Variants in PDE3A observed in about 807,000 individuals in gnomAD.
PDE3A encodes phosphodiesterase 3A.
PDE3A carries 43 observed loss-of-function variants against 98.3 expected under a neutral mutation model. The observed-to-expected ratio is 0.44, with a 90% CI of 0.34 to 0.56. The LOEUF is 0.56. PDE3A is among the 20% of genes least tolerant of loss of function. PDE3A has a pLI of 0.01. For missense variants in PDE3A, 1,427 were observed against 1,440.7 expected (o/e 0.99, Z 0.15); for synonymous variants, 663 against 567.9 (o/e 1.17, Z -2.38).
At chr12:20,410,553 A>T (rs1325285564) in intron 1 of PDE3A, among the ~76,000 whole-genome samples, 1 of 152,180 alleles carries the variant, frequency 6.6e-6, no homozygotes, top group Non-Finnish European at 1.5e-5. Context: ...CACCTCCGTC[A>T]GCTACCTAGA....
At chr12:20,515,887 T>TA (rs1354492277) in intron 1 of PDE3A, among the ~76,000 whole-genome samples, 7 of 149,608 alleles carry the variant, frequency 4.7e-5, no homozygotes, top group Non-Finnish European at 1.0e-4. Flanking sequence ...CGCCTGCCAC[T>TA]ACGCCCGGCT....
At chr12:20,542,331 T>A (rs1941935156) in intron 1 of PDE3A, among the ~76,000 whole-genome samples, 1 of 152,108 alleles carries the variant, frequency 6.6e-6, no homozygotes, top group Middle Eastern at 3.4e-3. Context: ...TGAGATATAT[T>A]TTTTAAAATT....
chr12:20,534,006 G>A (rs1043001884), intron 1 of PDE3A, among the ~76,000 whole-genome samples: 1 of 151,910 alleles, frequency 6.6e-6, no homozygotes, highest in African/African-American at 2.4e-5. Context: ...CTTAGCATCT[G>A]CCAGGGGTGT....
At chr12:20,576,752 G>C (rs573442866) in intron 2 of PDE3A, among the ~76,000 whole-genome samples, 4 of 152,102 alleles carry the variant, frequency 2.6e-5, no homozygotes, top group Admixed American at 6.6e-5. Flanking sequence ...TTACAGAAAA[G>C]ATATTGATAA....
chr12:20,593,093 G>A (rs961549311), intron 2 of PDE3A, among the ~76,000 whole-genome samples: 2 of 152,116 alleles, frequency 1.3e-5, no homozygotes, highest in African/African-American at 2.4e-5. Context: ...TGGAGACTTC[G>A]AGGCTGAAGT....
chr12:20,525,054 C>A (rs112606356), intron 1 of PDE3A, among the ~76,000 whole-genome samples: 2,838 of 152,208 alleles, frequency 0.019, 47 homozygotes, highest in Non-Finnish European at 0.025. Flanking sequence ...ATCGCTTGAA[C>A]CCAGGAGGCG....
intron 1 of PDE3A, among the ~76,000 whole-genome samples, chr12:20,412,856 T>G (rs892554955): frequency 2.0e-5 from 3 of 152,200 alleles, no homozygotes; most frequent in Non-Finnish European, 4.4e-5. Flanking sequence ...CTCCTTTCTG[T>G]TAACATTGAA....
chr12:20,609,175 A>C (rs1943787346), intron 2 of PDE3A, among the ~76,000 whole-genome samples: 1 of 152,056 alleles, frequency 6.6e-6, no homozygotes, highest in Non-Finnish European at 1.5e-5. Context: ...AACCACAACA[A>C]TTCTACACGC....
At chr12:20,503,841 G>T (rs1026720980) in intron 1 of PDE3A, among the ~76,000 whole-genome samples, 4 of 151,954 alleles carry the variant, frequency 2.6e-5, no homozygotes, top group African/African-American at 9.7e-5. Flanking sequence ...TTAAATTGTA[G>T]CTTTCAAATG....
rs57238599 is a variant in PDE3A at position 20,680,982 on chromosome 12, A to G, written c.*711A>G. On this transcript the variant is annotated 3_prime_UTR_variant, in exon 16 of 16. Coordinates refer to ENST00000359062, the MANE Select transcript of PDE3A (RefSeq NM_000921.5). ...CAGAATAGCTGTAGCAAATGACTGA[A>G]TACATGTGAACAAACAGAAGGAAGT... is the stretch of plus-strand genomic sequence containing the variant. 0.14 allele frequency: 21,108 copies of G among 152,016 alleles called. 2,312 individuals are homozygous for G. Among genetic ancestry groups the G allele is most frequent in the African/African-American group, 0.31 (12,667 of 41,360 alleles). 9.4% of individuals were successfully genotyped at this position (152,016 alleles called of 1,614,324 possible). A position where few individuals can be genotyped will look rare whatever the true frequency, so the allele number is the denominator to read the frequency against.
At chr12:20,586,586 C>T (rs901742785) in intron 2 of PDE3A, among the ~76,000 whole-genome samples, 3 of 152,246 alleles carry the variant, frequency 2.0e-5, no homozygotes, top group South Asian at 2.1e-4. Flanking sequence ...AAGATGGCTC[C>T]GATCTACTAA....
intron 15 of PDE3A, among the ~76,000 whole-genome samples, chr12:20,654,565 C>T (rs1328518182): frequency 1.3e-5 from 2 of 151,514 alleles, no homozygotes; most frequent in South Asian, 2.1e-4. Flanking sequence ...GGCACGATCT[C>T]GGCTCACTGC....
intron 1 of PDE3A, among the ~76,000 whole-genome samples, chr12:20,393,393 G>A (rs1943954164): frequency 1.3e-5 from 2 of 151,896 alleles, no homozygotes; most frequent in Non-Finnish European, 2.9e-5. Flanking sequence ...CAGAATGGGG[G>A]AAACTGCTGC....
intron 12 of PDE3A, 35 bp downstream of exon 12, chr12:20,646,985 T>A: frequency 6.9e-7 from 1 of 1,456,218 alleles, no homozygotes; most frequent in Non-Finnish European, 9.6e-7. Context: ...AGAACTAATT[T>A]AAAGATTTCT....
chr12:20,492,814 A>T (rs965775799), intron 1 of PDE3A, among the ~76,000 whole-genome samples: 9 of 152,052 alleles, frequency 5.9e-5, no homozygotes, highest in East Asian at 1.9e-4. Context: ...AGATCCATGG[A>T]CTCCAGAATC....
In PDE3A at chr12:20,613,670, C is replaced by T; in HGVS notation, c.1239C>T (p.Ser413=). The change falls in exon 3 of 16, where the codon AGC becomes AGT. Residue 413 remains serine, a synonymous_variant. Transcript: ENST00000359062. ...ATACCTGTTCTGACTCTGAAGAGAG[C>T]TCTGAAAAAGACAAGCTTGCTATTC... is the stretch of plus-strand genomic sequence containing the variant. ...ENYTCSDSEE[S]SEKDKLAIPK... The T allele has an allele frequency of 1.9e-6, 3 of 1,613,756 alleles. No individual in the cohort carries two copies. Among genetic ancestry groups the T allele is most frequent in the Non-Finnish European group, 2.5e-6 (3 of 1,179,648 alleles).
Position 20,370,086 on chromosome 12 carries a change from A to G in PDE3A, c.802A>G (p.Arg268Gly), listed in dbSNP as rs2120483068. The G allele has an allele frequency of 1.2e-6, 2 of 1,613,206 alleles. No homozygotes were observed. Among genetic ancestry groups the G allele is most frequent in the South Asian group, 1.1e-5 (1 of 91,064 alleles). Residue 268 changes from arginine to glycine, a missense_variant, in exon 1 of 16, where the codon AGG (arginine) becomes GGG (glycine). Physicochemically the swap from Arg to Gly is moderately radical, Grantham distance 125. Transcript: ENST00000359062. ...ILPQSAEAAP[R>G]EHLGSQLIAG... The stretch of plus-strand genomic sequence containing the variant: ...GCCGCAGTCCGCGGAGGCGGCTCCA[A>G]GGGAGCATTTGGGGTCCCAGCTGAT...
chr12:20,442,443 G>A (rs1257890257), intron 1 of PDE3A, among the ~76,000 whole-genome samples: 2 of 152,152 alleles, frequency 1.3e-5, no homozygotes, highest in Admixed American at 6.5e-5. Flanking sequence ...CATAGGAGAG[G>A]GAGAGCACAT....
At chr12:20,597,137 G>A (rs915964418) in intron 2 of PDE3A, among the ~76,000 whole-genome samples, 3 of 152,088 alleles carry the variant, frequency 2.0e-5, no homozygotes, top group African/African-American at 7.2e-5. Flanking sequence ...CTCTTGAGTT[G>A]CATCTTAGAA....
Sources: gnomAD v4.1 joint callset for allele counts (sites outside exome capture counted in the v4.1 genomes callset) on GRCh38, gnomAD v4.1.1 for gene constraint, MANE v1.5 for transcripts, NCBI Gene and HGNC (gene_info 2026-07-23, HGNC 2026-07-21) for gene names.